Variants in CHORDC1 observed in about 807,000 individuals in gnomAD.
The protein encoded by CHORDC1 is cysteine and histidine rich domain containing 1, also known as cysteine and histidine-rich domain-containing protein 1.
In CHORDC1, 25 loss-of-function variants were observed where a neutral mutation model predicts 48.3. The observed-to-expected ratio is 0.52, with a 90% CI of 0.38 to 0.72. The LOEUF (loss-of-function observed/expected upper bound fraction) is 0.72. Among genes scored for constraint, CHORDC1 ranks in the 30% least tolerant of loss-of-function variants. CHORDC1 has a pLI of 0.00. For missense variants in CHORDC1, 317 were observed against 388.7 expected, an observed-to-expected ratio of 0.82 and a Z score of 1.55; for synonymous variants, 128 against 126.4, an observed-to-expected ratio of 1.01 and a Z score of -0.09.
chr11:90,205,929 C>A, intron 7 of CHORDC1: 2 of 475,266 alleles, frequency 4.2e-6, no homozygotes, highest in Non-Finnish European at 3.8e-6. Context: ...AACATTTAGC[C>A]CAAATAGCAT....
chr11:90,214,604 T>C (rs7105979), intron 3 of CHORDC1, among the ~76,000 whole-genome samples: 24,006 of 152,024 alleles, frequency 0.16, 2,186 homozygotes, highest in East Asian at 0.27. Flanking sequence ...ATTTGTAAAA[T>C]GGAGGTAATG....
intron 1 of CHORDC1, among the ~76,000 whole-genome samples, chr11:90,219,966 C>T (rs1858123437): frequency 6.6e-6 from 1 of 152,262 alleles, no homozygotes. Flanking sequence ...CCTTGTCCAA[C>T]ATGCCGCCCC....
At position 90,202,562 on chromosome 11, in the gene CHORDC1, T is replaced by C; in HGVS notation, c.853-11A>G. On this transcript the variant is annotated splice_polypyrimidine_tract_variant and intron_variant, in intron 10 of 10. Transcript: ENST00000320585. ...CTTTACATCAATCACCTGTAACATA[T>C]CAAAGAGAATTACAGGAAACCTCAG... The C allele has an allele frequency of 1.9e-6, 3 of 1,610,726 alleles. No homozygotes were observed. The highest frequency in any genetic ancestry group is 2.5e-6 in the Non-Finnish European group (3 of 1,178,174).
chr11:90,203,529 A>T (rs944247927), intron 8 of CHORDC1, 102 bp from the exon 9 acceptor site: 3 of 1,095,710 alleles, frequency 2.7e-6, no homozygotes, highest in Non-Finnish European at 3.8e-6. Flanking sequence ...CATGCACAAC[A>T]ACTAAGCACT....
intron 4 of CHORDC1, chr11:90,213,390 A>G (rs565238739): frequency 2.9e-6 from 2 of 697,464 alleles, no homozygotes; most frequent in African/African-American, 1.8e-5. Context: ...TTCTAAAACA[A>G]TTTAGTACTC....
chr11:90,219,372 C>A (rs571649180), intron 1 of CHORDC1, among the ~76,000 whole-genome samples: 1 of 152,200 alleles, frequency 6.6e-6, no homozygotes, highest in African/African-American at 2.4e-5. Flanking sequence ...CTTTACTTCT[C>A]TTATGTAAAT....
chr11:90,215,633 C>T (rs1391877065), intron 2 of CHORDC1, among the ~76,000 whole-genome samples: 1 of 114,054 alleles, frequency 8.8e-6, no homozygotes, highest in East Asian at 3.3e-4. Flanking sequence ...TAGTAACTAT[C>T]TTTAGTTAAT....
intron 1 of CHORDC1, among the ~76,000 whole-genome samples, chr11:90,220,732 C>A (rs1221384483): frequency 6.6e-6 from 1 of 152,052 alleles, no homozygotes; most frequent in Non-Finnish European, 1.5e-5. Flanking sequence ...AGAGTTTTGG[C>A]AAAATTAATA....
intron 6 of CHORDC1, chr11:90,206,808 GCT>G: frequency 7.8e-7 from 1 of 1,279,986 alleles, no homozygotes; most frequent in Non-Finnish European, 1.0e-6. Flanking sequence ...GTAGATGGAG[GCT>G]CTACAGATGA....
intron 2 of CHORDC1, among the ~76,000 whole-genome samples, chr11:90,217,195 A>C (rs1356839268): frequency 6.6e-6 from 1 of 152,226 alleles, no homozygotes; most frequent in East Asian, 1.9e-4. Context: ...GTGAAGTGCC[A>C]AAACAGTCTA....
intron 1 of CHORDC1, among the ~76,000 whole-genome samples, chr11:90,220,051 T>G (rs1404097734): frequency 6.6e-6 from 1 of 152,224 alleles, no homozygotes. Flanking sequence ...TTTTGTTTTC[T>G]TTTAAGCTCA....
At chr11:90,214,293 C>T in intron 3 of CHORDC1, 118 bp from the exon 4 acceptor site, 1 of 804,376 alleles carries the variant, frequency 1.2e-6, no homozygotes, top group Non-Finnish European at 1.8e-6. Context: ...AGTTTCAATA[C>T]ATTGATTTTA....
intron 6 of CHORDC1, 126 bp downstream of exon 6, chr11:90,210,410 A>G: frequency 1.5e-6 from 1 of 648,714 alleles, no homozygotes; most frequent in Non-Finnish European, 2.8e-6. Flanking sequence ...TTGTAGCCCT[A>G]GTCCCCAGCA....
intron 9 of CHORDC1, among the ~76,000 whole-genome samples, 188 bp downstream of exon 9, chr11:90,203,120 G>GT (rs1278860816): frequency 6.6e-6 from 1 of 152,064 alleles, no homozygotes; most frequent in African/African-American, 2.4e-5. Context: ...TGGTTCAGCA[G>GT]TAAGTCTACT....
In CHORDC1 at chr11:90,222,802, C is replaced by T. The variant is rs759844838; in HGVS notation, c.64+89G>A. 4 of 1,211,600 alleles carry T rather than the reference C, an allele frequency of 3.3e-6. No homozygotes were observed. In the South Asian group the frequency reaches 5.1e-5, roughly 15 times the overall value. The allele number at this position is 1,211,600 out of a possible 1,614,324, so 75.1% of individuals were successfully genotyped here. A position where few individuals can be genotyped will look rare whatever the true frequency, so the allele number is the denominator to read the frequency against. On this transcript the variant is annotated intron_variant, in intron 1 of 10. Coordinates refer to ENST00000320585, the MANE Select transcript of CHORDC1 (RefSeq NM_012124.3). Reference sequence around the variant, plus strand: ...ACCTGGGGCCGCGCGAGGACGGCTGCAGGAGATCCGCGGACACCCTCCGGC... The same window carrying T: ...ACCTGGGGCCGCGCGAGGACGGCTGTAGGAGATCCGCGGACACCCTCCGGC...
chr11:90,202,858 T>C lies in CHORDC1; in HGVS notation c.807A>G (p.Val269=). The C allele has an allele frequency of 6.2e-7, 1 of 1,601,068 alleles. No homozygotes were observed. Among genetic ancestry groups the C allele is most frequent in the Non-Finnish European group, 8.5e-7 (1 of 1,173,910 alleles). Residue 269 remains valine, a synonymous_variant, in exon 10 of 11, where the codon GTA becomes GTG. Coordinates refer to ENST00000320585, the MANE Select transcript of CHORDC1 (RefSeq NM_012124.3). ...ANSTLLNVHI[V]FEGEKEFDQN... is the part of the protein sequence containing the mutation. The stretch of plus-strand genomic sequence containing the variant: ...GATCAAATTCCTTCTCTCCTTCAAA[T>C]ACAATATGCACATTTAACTGAAAAA...
chr11:90,209,607 A>C (rs2135038640), intron 6 of CHORDC1: 1 of 152,328 alleles, frequency 6.6e-6, no homozygotes, highest in South Asian at 2.1e-4. Flanking sequence ...AAAGTGATTA[A>C]GAGCGATGGA....
rs1857520907 is a variant in CHORDC1 at position 90,200,525 on chromosome 11, G to T, written c.*1880C>A. Among the ~76,000 whole-genome samples the T allele has an allele frequency of 6.6e-6, 1 of 151,858 alleles. No individual in the cohort carries two copies. Among genetic ancestry groups the T allele is most frequent in the African/African-American group, 2.4e-5 (1 of 41,400 alleles). On this transcript the variant is annotated 3_prime_UTR_variant, in exon 11 of 11. Transcript: ENST00000320585. The stretch of plus-strand genomic sequence containing the variant: ...CCTAACGATAACTGTGTCCCTTTAT[G>T]TATGAGTCTAAGAGAAATATTCGGA...
intron 8 of CHORDC1, among the ~76,000 whole-genome samples, chr11:90,204,695 CGA>C (rs1307139595): frequency 6.6e-6 from 1 of 151,128 alleles, no homozygotes; most frequent in Non-Finnish European, 1.5e-5. Flanking sequence ...GGCGACAGAG[CGA>C]GACTCTGTCT....
Sources: allele counts gnomAD v4.1 joint callset (sites outside exome capture counted in the v4.1 genomes callset), GRCh38; gene constraint gnomAD v4.1.1; transcripts MANE v1.5; gene names NCBI Gene and HGNC (gene_info 2026-07-23, HGNC 2026-07-21).